Variants in SIPA1L3 observed in about 807,000 individuals in gnomAD.
The protein encoded by SIPA1L3 is signal induced proliferation associated 1 like 3.
Under a neutral mutation model 150.1 loss-of-function variants are expected in SIPA1L3, and 59 were observed. That is an observed-to-expected ratio of 0.39 (90% confidence interval 0.32 to 0.49). The LOEUF is 0.49. Among genes scored for constraint, SIPA1L3 ranks in the 20% least tolerant of loss-of-function variants. SIPA1L3 has a pLI of 0.86. For missense variants in SIPA1L3, 2,211 were observed against 2,489.5 expected (o/e 0.89, Z 2.38); for synonymous variants, 1,070 against 1,077.6 (o/e 0.99, Z 0.14).
chr19:38,174,636 G>A (rs1030506265), intron 15 of SIPA1L3, among the ~76,000 whole-genome samples: 1 of 152,056 alleles, frequency 6.6e-6, no homozygotes, highest in African/African-American at 2.4e-5. Context: ...GATCACCTGA[G>A]GTCAGGAGTT....
chr19:38,089,603 G>T (rs1970217494), intron 4 of SIPA1L3, among the ~76,000 whole-genome samples: 1 of 152,216 alleles, frequency 6.6e-6, no homozygotes, highest in African/African-American at 2.4e-5. Flanking sequence ...AGGTACTGCT[G>T]TTATGCCAAT....
chr19:38,019,125 G>A (rs1020338789), intron 1 of SIPA1L3, among the ~76,000 whole-genome samples: 5 of 152,144 alleles, frequency 3.3e-5, no homozygotes, highest in Admixed American at 6.5e-5. Flanking sequence ...CAAGACTACC[G>A]GCTCATTTGA....
chr19:38,111,909 A>G (rs1163998426), intron 8 of SIPA1L3, among the ~76,000 whole-genome samples: 2 of 151,808 alleles, frequency 1.3e-5, no homozygotes, highest in African/African-American at 2.4e-5. Context: ...ACACACACAC[A>G]TGCATGCACG....
chr19:38,135,914 G>A (rs1035219832), intron 10 of SIPA1L3, among the ~76,000 whole-genome samples: 2 of 151,952 alleles, frequency 1.3e-5, no homozygotes, highest in Admixed American at 6.6e-5. Flanking sequence ...CAGTGAGGAC[G>A]GGATAGAAGT....
Position 38,164,780 on chromosome 19 carries a change from G to A in SIPA1L3, c.4082G>A (p.Arg1361Gln), listed in dbSNP as rs751920876. ...AGGTCCCACCACGCAGACAGGCGGC[G>A]GGAGGTCTCCCCTGCCCCCGCAGTT... ...AGRSHHADRR[R>Q]EVSPAPAVAG... Residue 1361 changes from arginine (R) to glutamine (Q), a missense_variant, in exon 15 of 22, where the codon CGG becomes CAG. Physicochemically the swap from Arg to Gln is conservative, Grantham distance 43. Around this residue, in one of 5 missense-constraint regions of SIPA1L3, gnomAD observed 806 missense variants for 870.1 expected, o/e 0.93. Coordinates refer to ENST00000222345, the MANE Select transcript of SIPA1L3 (RefSeq NM_015073.3). This position sits in a 1 kb window ranked among gnomAD's most constrained non-coding sequence, Gnocchi z 4.1. The A allele has an allele frequency of 9.9e-6, 16 of 1,612,334 alleles. No individual in the cohort carries two copies. The South Asian group carries it at 1.1e-4, about 11-fold the overall frequency.
chr19:38,189,502 A>G (rs1010852239), intron 16 of SIPA1L3, among the ~76,000 whole-genome samples: 9 of 151,938 alleles, frequency 5.9e-5, no homozygotes, highest in Admixed American at 5.9e-4. Flanking sequence ...GCGGTGGCCC[A>G]TGCCTGTAAT....
intron 12 of SIPA1L3, among the ~76,000 whole-genome samples, chr19:38,143,729 G>A (rs1272541432): frequency 6.6e-6 from 1 of 151,912 alleles, no homozygotes; most frequent in African/African-American, 2.4e-5. Context: ...AGTAGAGACG[G>A]ATTTTCACCA....
chr19:37,983,420 G>A (rs833915), intron 1 of SIPA1L3, among the ~76,000 whole-genome samples: 125,317 of 152,174 alleles, frequency 0.82, 52,101 homozygotes, highest in African/African-American at 0.93. Context: ...TGAAGGTTAC[G>A]TGAGTTGAAA....
At chr19:38,127,978 C>A (rs936226938) in intron 9 of SIPA1L3, among the ~76,000 whole-genome samples, 2 of 151,698 alleles carry the variant, frequency 1.3e-5, no homozygotes, top group African/African-American at 4.8e-5. Context: ...GGTGAGGGCC[C>A]CTTTCAACTT....
rs562391016 is a variant in SIPA1L3 at position 38,130,546 on chromosome 19, G to A, written c.2917G>A (p.Gly973Arg). 15 of 1,613,572 alleles carry A rather than the reference G, an allele frequency of 9.3e-6. No homozygotes were observed. In the Admixed American group the frequency reaches 1.2e-4, roughly 13 times the overall value. The change falls in exon 10 of 22, where the codon GGG becomes AGG. Residue 973 changes from glycine to arginine, a missense_variant. By Grantham distance (125) the Gly-to-Arg change is moderately radical. Transcript: ENST00000222345. ...ETVDMTLRRN[G>R]LGQLGFHVKY... The stretch of plus-strand genomic sequence containing the variant: ...GGTGGACATGACGCTTCGGCGGAAC[G>A]GGCTCGGGCAGCTGGGCTTCCACGT...
At chr19:38,094,734 A>G (rs1256748018) in intron 4 of SIPA1L3, among the ~76,000 whole-genome samples, 3 of 152,034 alleles carry the variant, frequency 2.0e-5, no homozygotes, top group Non-Finnish European at 2.9e-5. Context: ...GGAATTTGAG[A>G]CCAACCTGGA....
At chr19:38,184,039 T>G (rs1972622571) in intron 16 of SIPA1L3, among the ~76,000 whole-genome samples, 1 of 152,142 alleles carries the variant, frequency 6.6e-6, no homozygotes, top group South Asian at 2.1e-4. Context: ...AGAAAGGGTT[T>G]TGTTTTTCAG....
intron 3 of SIPA1L3, among the ~76,000 whole-genome samples, chr19:38,087,464 C>G (rs941750198): frequency 6.6e-6 from 1 of 152,146 alleles, no homozygotes; most frequent in African/African-American, 2.4e-5. Flanking sequence ...CCAGAACCAT[C>G]AGTTAAACAT....
chr19:38,162,399 C>CG (rs753158013), intron 14 of SIPA1L3, 28 bp downstream of exon 14: 1 of 1,571,258 alleles, frequency 6.4e-7, no homozygotes, highest in Non-Finnish European at 8.8e-7. Flanking sequence ...CCTGCCCTAC[C>CG]GGGGGAGCCA....
intron 1 of SIPA1L3, among the ~76,000 whole-genome samples, chr19:37,996,187 C>G (rs765958351): frequency 1.3e-5 from 2 of 152,048 alleles, no homozygotes; most frequent in Non-Finnish European, 2.9e-5. Flanking sequence ...CTTGGCCAAC[C>G]AAAGTGTTGG....
chr19:38,081,549 T>G lies in SIPA1L3; in HGVS notation c.-17T>G. On this transcript the variant is annotated 5_prime_UTR_variant, in exon 3 of 22. Transcript: ENST00000222345. ...CCACAGCGTACGGGGCCAGCAGCAC[T>G]CCAGTGCCCGTGGACTATGACCACC... The G allele has an allele frequency of 6.4e-7, 1 of 1,560,634 alleles. No individual in the cohort carries two copies. The highest frequency in any genetic ancestry group is 8.7e-7 in the Non-Finnish European group (1 of 1,149,856).
At chr19:38,194,673 G>A (rs150171184) in intron 18 of SIPA1L3, among the ~76,000 whole-genome samples, 181 of 152,374 alleles carry the variant, frequency 1.2e-3, no homozygotes, top group Non-Finnish European at 2.2e-3. Context: ...TGTGCCATCT[G>A]TACAGAGCCT....
At chr19:38,161,139 C>T (rs1447228332) in intron 13 of SIPA1L3, among the ~76,000 whole-genome samples, 1 of 151,074 alleles carries the variant, frequency 6.6e-6, no homozygotes, top group East Asian at 2.0e-4. Context: ...GTCAGGAGTT[C>T]GAGACCAGCC....
At chr19:37,931,745 C>G (rs2046555699) in intron 1 of SIPA1L3, among the ~76,000 whole-genome samples, 1 of 152,080 alleles carries the variant, frequency 6.6e-6, no homozygotes, top group Non-Finnish European at 1.5e-5. Context: ...CAGAGCAAGA[C>G]TCTGTCTCAA....
Sources: allele counts gnomAD v4.1 joint callset (sites outside exome capture counted in the v4.1 genomes callset), GRCh38; gene constraint gnomAD v4.1.1; regional missense constraint gnomAD v4.1.1; non-coding constraint Gnocchi (gnomAD v3.1); transcripts MANE v1.5; gene names NCBI Gene and HGNC (gene_info 2026-07-23, HGNC 2026-07-21).